TSPAN11: variants seen among roughly 807,000 people sequenced by gnomAD.
TSPAN11 encodes tetraspanin 11.
In TSPAN11, 29 loss-of-function variants were observed where a neutral mutation model predicts 32.9. That is an observed-to-expected ratio of 0.88 (90% CI 0.66 to 1.20). The LOEUF is 1.20. TSPAN11 is among the 50% of genes most tolerant of loss of function. The probability of loss-of-function intolerance (pLI) is 0.00; values close to 1 mark genes in which losing one functional copy is unlikely to be tolerated. For synonymous variants in TSPAN11, 140 were observed against 141.3 expected, an observed-to-expected ratio of 0.99 and a Z score of 0.07; for missense variants, 283 against 329.1, an observed-to-expected ratio of 0.86 and a Z score of 1.08.
the TSPAN11 span, among the ~76,000 whole-genome samples, chr12:31,013,562 C>G: frequency 1.3e-5 from 2 of 150,074 alleles, no homozygotes; most frequent in African/African-American, 4.9e-5. Context: ...GTACTCCAGC[C>G]TGGGCAACAG....
chr12:30,999,905 C>G (rs886212595), downstream of TSPAN11, among the ~76,000 whole-genome samples: 1 of 152,064 alleles, frequency 6.6e-6, no homozygotes, highest in Non-Finnish European at 1.5e-5. Context: ...CAGGTCTGTC[C>G]CCGCTGGCTC....
chr12:30,948,786 T>C (rs1041355122), intron 1 of TSPAN11, among the ~76,000 whole-genome samples: 3 of 152,260 alleles, frequency 2.0e-5, no homozygotes, highest in Admixed American at 2.0e-4. Flanking sequence ...TCATTACTTA[T>C]GCAAATTTCT....
At position 30,926,950 on chromosome 12, in the gene TSPAN11, G is replaced by A. The variant is rs575028689; in HGVS notation, c.-12+154G>A. 33 of 1,281,276 alleles carry A rather than the reference G, an allele frequency of 2.6e-5. No homozygotes were observed. In the African/African-American group the frequency reaches 4.1e-4, roughly 16 times the overall value. 79.4% of individuals were successfully genotyped at this position (1,281,276 alleles called of 1,614,324 possible). Reference sequence around the variant, plus strand: ...GGGCGGGCAGAGGGAAGCCGGCTGGGGATGAGGAGTGGAGGAGGCAGGAAT... The same window carrying A: ...GGGCGGGCAGAGGGAAGCCGGCTGGAGATGAGGAGTGGAGGAGGCAGGAAT... On this transcript the variant is annotated intron_variant, in intron 1 of 7. Coordinates refer to ENST00000546076, the MANE Select transcript of TSPAN11 (RefSeq NM_001370302.1).
Position 30,958,702 on chromosome 12 carries a change from C to T in TSPAN11, c.84+4627C>T, listed in dbSNP as rs77467015. ...CCCAAACTAGACCCATTCACTTCTC[C>T]GTCATAGCAGAAGTCACTCTGGTGG... On this transcript the variant is annotated intron_variant, in intron 2 of 7. Transcript: ENST00000546076. Among the ~76,000 whole-genome samples the T allele has an allele frequency of 5.0e-3, 758 of 152,266 alleles. 30 individuals are homozygous for T. In the East Asian group the frequency reaches 0.09, roughly 18 times the overall value.
At chr12:30,926,922 C>G in intron 1 of TSPAN11, 126 bp downstream of exon 1, 1 of 1,282,092 alleles carries the variant, frequency 7.8e-7, no homozygotes, top group Non-Finnish European at 1.0e-6. Flanking sequence ...CCGAGCTTCC[C>G]CCGGGCGGGC....
chr12:31,010,732 G>A, the TSPAN11 span, among the ~76,000 whole-genome samples: 5 of 152,092 alleles, frequency 3.3e-5, no homozygotes, highest in Non-Finnish European at 5.9e-5. Context: ...GGAGGTCAAG[G>A]CTGCAATGAG....
At chr12:31,001,025 A>G (rs1939472954), downstream of TSPAN11, among the ~76,000 whole-genome samples, 1 of 152,108 alleles carries the variant, frequency 6.6e-6, no homozygotes, top group Non-Finnish European at 1.5e-5. Flanking sequence ...AAATCACTGC[A>G]GCGCCTGTGC....
In TSPAN11 at chr12:30,996,351, C is replaced by G. The variant is rs1218157402; in HGVS notation, c.*4436C>G. 1 of 152,272 alleles carries G rather than the reference C, an allele frequency of 6.6e-6. No homozygotes were observed. The highest frequency in any genetic ancestry group is 2.4e-5 in the African/African-American group (1 of 41,450). 9.4% of individuals were successfully genotyped at this position (152,272 alleles called of 1,614,324 possible). ...CTGAGGCCTGCTCCCCATACCCTGC[C>G]CTGTGCAAGTGCCAGCCGTTATTCC... On this transcript the variant is annotated 3_prime_UTR_variant, in exon 8 of 8. Coordinates refer to ENST00000546076, the MANE Select transcript of TSPAN11 (RefSeq NM_001370302.1).
In TSPAN11 at chr12:30,975,707, G is replaced by GT. The variant is rs1938956258; in HGVS notation, c.277-2853dup. Among the ~76,000 whole-genome samples, 1 of 151,854 alleles carries GT rather than the reference G, an allele frequency of 6.6e-6. No homozygotes were observed. The highest frequency in any genetic ancestry group is 1.5e-5 in the Non-Finnish European group (1 of 67,968). On this transcript the variant is annotated intron_variant, in intron 3 of 7. Transcript: ENST00000546076. The surrounding 1 kb of genome is among the most constrained non-coding windows in gnomAD (Gnocchi z 4.5). ...GCAGTGGCTTCCCCCGAGAAGTGGC[G>GT]TGACACTGCCAGCTATCCAGGAGTA... is the stretch of plus-strand genomic sequence containing the variant.
the TSPAN11 span, among the ~76,000 whole-genome samples, chr12:31,009,585 G>A: frequency 6.6e-6 from 1 of 152,122 alleles, no homozygotes; most frequent in African/African-American, 2.4e-5. Flanking sequence ...CAACAGAAGT[G>A]CCACCCCACC....
rs1300519015 is a variant in TSPAN11 at position 30,953,978 on chromosome 12, C to G, written c.-11-3C>G. On this transcript the variant is annotated splice_region_variant and splice_polypyrimidine_tract_variant and intron_variant, in intron 1 of 7. Transcript: ENST00000546076. The stretch of plus-strand genomic sequence containing the variant: ...CGGCCCAGCATATGTGTCTTCTCTG[C>G]AGGCCCAGAAGCCATGGCCCACTAT... The G allele has an allele frequency of 6.2e-7, 1 of 1,609,472 alleles. No individual in the cohort carries two copies. Among genetic ancestry groups the G allele is most frequent in the African/African-American group, 1.3e-5 (1 of 74,936 alleles).
chr12:30,982,760 G>A, intron 6 of TSPAN11, 70 bp downstream of exon 6: 1 of 1,495,404 alleles, frequency 6.7e-7, no homozygotes, highest in Non-Finnish European at 9.0e-7. Flanking sequence ...CCCCAGAAAG[G>A]CTGGGTCAGG....
At chr12:30,948,388 C>T (rs1333036245) in intron 1 of TSPAN11, among the ~76,000 whole-genome samples, 5 of 152,196 alleles carry the variant, frequency 3.3e-5, no homozygotes, top group South Asian at 2.1e-4. Flanking sequence ...TCCATGAGGG[C>T]GCCGCCCCTG....
intron 1 of TSPAN11, among the ~76,000 whole-genome samples, chr12:30,938,789 G>A (rs1043066557): frequency 6.6e-6 from 1 of 152,154 alleles, no homozygotes; most frequent in African/African-American, 2.4e-5. Context: ...ACCAAGCCTA[G>A]ACAGAGAAAT....
intron 3 of TSPAN11, among the ~76,000 whole-genome samples, chr12:30,972,872 G>A (rs954387688): frequency 1.3e-4 from 19 of 151,974 alleles, no homozygotes. Flanking sequence ...AGGACAGCTG[G>A]CAGGGGACTG....
chr12:31,007,013 T>C, the TSPAN11 span, among the ~76,000 whole-genome samples: 1 of 152,154 alleles, frequency 6.6e-6, no homozygotes, highest in Admixed American at 6.5e-5. Context: ...CCCATAGCCG[T>C]TCATAGCTGC....
chr12:31,005,284 T>TA, the TSPAN11 span, among the ~76,000 whole-genome samples: 2 of 152,200 alleles, frequency 1.3e-5, no homozygotes, highest in African/African-American at 4.8e-5. Flanking sequence ...CTGTAAGGTA[T>TA]AAAAAGCCTG....
rs751960773 is a variant in TSPAN11, at chr12:30,954,076, G to T, written c.84+1G>T. The T allele has an allele frequency of 6.2e-7, 1 of 1,611,036 alleles. No homozygotes were observed. Among genetic ancestry groups the T allele is most frequent in the Middle Eastern group, 1.7e-4 (1 of 6,060 alleles). ...CTTTGTCTTCAACTTCTTCTTCTGG[G>T]TGAGTGAATTCTGCACACACATCCT... On this transcript the variant is annotated splice_donor_variant, in intron 2 of 7. Coordinates refer to ENST00000546076, the MANE Select transcript of TSPAN11 (RefSeq NM_001370302.1). LOFTEE classifies it high-confidence loss of function.
rs905543904 is a variant in TSPAN11, at chr12:30,996,286, C to G, written c.*4371C>G. The G allele has an allele frequency of 1.3e-5, 2 of 152,400 alleles. No individual in the cohort carries two copies. The highest frequency in any genetic ancestry group is 3.4e-3 in the Middle Eastern group (1 of 296). The allele number at this position is 152,400 out of a possible 1,614,324, so 9.4% of individuals were successfully genotyped here. On this transcript the variant is annotated 3_prime_UTR_variant, in exon 8 of 8. Transcript: ENST00000546076. ...AGAACCTGCTACATGTTGGCTGCCCCCTTCCCCTATTTCAGCAGTGCCCAG... is the reference window on the plus strand; with the variant it reads ...AGAACCTGCTACATGTTGGCTGCCCGCTTCCCCTATTTCAGCAGTGCCCAG...
Sources: gnomAD v4.1 joint callset for allele counts (sites outside exome capture counted in the v4.1 genomes callset) on GRCh38, gnomAD v4.1.1 for gene constraint, Gnocchi (gnomAD v3.1) non-coding constraint, MANE v1.5 for transcripts, NCBI Gene and HGNC (gene_info 2026-07-23, HGNC 2026-07-21) for gene names.